Variants in PLEKHA6 observed in about 807,000 individuals in gnomAD.
PLEKHA6 encodes pleckstrin homology domain-containing family A member 6.
PLEKHA6 carries 60 observed loss-of-function variants against 116.7 expected under a neutral mutation model. That is an observed-to-expected ratio of 0.51 (90% CI 0.42 to 0.64). The LOEUF (loss-of-function observed/expected upper bound fraction) is 0.64. Among genes scored for constraint, PLEKHA6 ranks in the 30% least tolerant of loss-of-function variants. The probability of loss-of-function intolerance (pLI) is 0.00; values close to 1 mark genes in which losing one functional copy is unlikely to be tolerated. For synonymous variants in PLEKHA6, 489 were observed against 556.1 expected (o/e 0.88, Z 1.70); for missense variants, 1,338 against 1,422.7 (o/e 0.94, Z 0.96).
At chr1:204,226,563 G>C (rs1202058097) in intron 21 of PLEKHA6, among the ~76,000 whole-genome samples, 1 of 152,260 alleles carries the variant, frequency 6.6e-6, no homozygotes, top group South Asian at 2.1e-4. Flanking sequence ...GTTCAACAGA[G>C]GCCTGCTTCC....
At position 204,265,017 on chromosome 1, in the gene PLEKHA6, G is replaced by A; in HGVS notation, c.306C>T (p.Gly102=). 6.2e-7 allele frequency: 1 copy of A among 1,613,752 alleles called. No individual in the cohort carries two copies. Among genetic ancestry groups the A allele is most frequent in the East Asian group, 2.2e-5 (1 of 44,872 alleles). The change falls in exon 6 of 23, where the codon GGC becomes GGT. Residue 102 remains glycine (G), a synonymous_variant. Coordinates refer to ENST00000272203, the MANE Select transcript of PLEKHA6 (RefSeq NM_014935.5). The part of the protein sequence containing the change: ...YKDEKEESIL[G]SIPLLSFRVA... ...CCCGGAAGCTCAGGAGGGGGATGCT[G>A]CCCAGGATACTCTCTTCCTTCTCAT...
chr1:204,263,876 G>A, intron 6 of PLEKHA6, among the ~76,000 whole-genome samples: 1 of 152,058 alleles, frequency 6.6e-6, no homozygotes, highest in East Asian at 1.9e-4. Context: ...TCACACCTCT[G>A]GCATACAAGA....
rs183913292 is a variant in PLEKHA6 at position 204,248,488 on chromosome 1, G to A, written c.1824+333C>T. Among the ~76,000 whole-genome samples the A allele has an allele frequency of 7.9e-5, 12 of 152,300 alleles. No homozygotes were observed. In the East Asian group the frequency reaches 2.1e-3, roughly 27 times the overall value. On this transcript the variant is annotated intron_variant, in intron 12 of 22. Transcript: ENST00000272203. ...CTTTTTGCCAGTGCTTTGCTTCTCC[G>A]AGGGAGAAGACAGAAGTGGGCAGCA...
At chr1:204,376,517 C>T (rs1314070524) in intron 1 of PLEKHA6, among the ~76,000 whole-genome samples, 1 of 152,154 alleles carries the variant, frequency 6.6e-6, no homozygotes, top group Non-Finnish European at 1.5e-5. Context: ...GTGATAATTA[C>T]AGAACAAAGG....
intron 3 of PLEKHA6, among the ~76,000 whole-genome samples, chr1:204,270,773 C>T (rs2102877051): frequency 6.6e-6 from 1 of 152,360 alleles, no homozygotes; most frequent in Middle Eastern, 3.4e-3. Context: ...TTGGATTCCT[C>T]AGCACAGCAC....
chr1:204,243,715 G>A, intron 15 of PLEKHA6, among the ~76,000 whole-genome samples: 1 of 152,228 alleles, frequency 6.6e-6, no homozygotes, highest in Non-Finnish European at 1.5e-5. Context: ...TGAGACATAT[G>A]CCGTCATGTT....
At chr1:204,260,661 C>T (rs60108785) in intron 7 of PLEKHA6, among the ~76,000 whole-genome samples, 3,655 of 152,198 alleles carry the variant, frequency 0.024, 114 homozygotes, top group African/African-American at 0.076. Flanking sequence ...GGACTTGGAG[C>T]CTACACTGTG....
At chr1:204,329,294 C>G (rs1470829763) in intron 1 of PLEKHA6, among the ~76,000 whole-genome samples, 1 of 152,204 alleles carries the variant, frequency 6.6e-6, no homozygotes, top group African/African-American at 2.4e-5. Context: ...GACCTTCAAC[C>G]TGGCCTTCAT....
At chr1:204,224,947 A>C (rs1363298285) in intron 21 of PLEKHA6, among the ~76,000 whole-genome samples, 1 of 152,246 alleles carries the variant, frequency 6.6e-6, no homozygotes, top group Non-Finnish European at 1.5e-5. Context: ...CAGGACATGC[A>C]GCGAGGCTCT....
At chr1:204,335,418 T>C (rs894480601) in intron 1 of PLEKHA6, among the ~76,000 whole-genome samples, 2 of 151,976 alleles carry the variant, frequency 1.3e-5, no homozygotes, top group Non-Finnish European at 2.9e-5. Flanking sequence ...AGAAAGGCCC[T>C]GGAGAAGGCC....
rs1389052822 is a variant in PLEKHA6 at position 204,222,324 on chromosome 1, CT to C, written c.*463del. 1 of 152,862 alleles carries C rather than the reference CT, an allele frequency of 6.5e-6. No individual in the cohort carries two copies. The highest frequency in any genetic ancestry group is 2.4e-5 in the African/African-American group (1 of 41,434). 9.5% of individuals were successfully genotyped at this position (152,862 alleles called of 1,614,324 possible). A position where few individuals can be genotyped will look rare whatever the true frequency, so the allele number is the denominator to read the frequency against. On this transcript the variant is annotated 3_prime_UTR_variant, in exon 23 of 23. Transcript: ENST00000272203. ...GATAGGGATGATGACAAGTGCTGTC[CT>C]TGGTGTCAGGCTGGCTCCAGAGGCA... is the stretch of plus-strand genomic sequence containing the variant.
intron 3 of PLEKHA6, among the ~76,000 whole-genome samples, chr1:204,269,452 A>AAG (rs1667217489): frequency 6.8e-6 from 1 of 147,812 alleles, no homozygotes; most frequent in Non-Finnish European, 1.5e-5. Flanking sequence ...GAGAATAAAA[A>AAG]AAAAAAATCA....
chr1:204,350,132 G>T (rs978840330), intron 1 of PLEKHA6, among the ~76,000 whole-genome samples: 2 of 152,166 alleles, frequency 1.3e-5, no homozygotes, highest in Non-Finnish European at 2.9e-5. Flanking sequence ...GACCAGCCTG[G>T]ACAACATGGT....
chr1:204,377,347 GC>G (rs1313301056), intron 1 of PLEKHA6, among the ~76,000 whole-genome samples: 1 of 152,200 alleles, frequency 6.6e-6, no homozygotes, highest in African/African-American at 2.4e-5. Context: ...GCACTCCCCT[GC>G]CCTGCCCAGC....
chr1:204,243,949 T>A (rs1251712570), intron 15 of PLEKHA6, among the ~76,000 whole-genome samples: 2 of 151,508 alleles, frequency 1.3e-5, no homozygotes, highest in Non-Finnish European at 2.9e-5. Flanking sequence ...GCCTCCGGAG[T>A]AGCTGGGACT....
At chr1:204,227,886 A>C (rs1660580199) in intron 21 of PLEKHA6, among the ~76,000 whole-genome samples, 197 bp downstream of exon 21, 1 of 152,018 alleles carries the variant, frequency 6.6e-6, no homozygotes, top group South Asian at 2.1e-4. Context: ...GGATGCAGCA[A>C]CTCTGGCCCC....
intron 1 of PLEKHA6, among the ~76,000 whole-genome samples, chr1:204,310,348 A>G (rs1558172825): frequency 1.3e-5 from 2 of 152,202 alleles, no homozygotes; most frequent in South Asian, 2.1e-4. Flanking sequence ...ATCAATGTCA[A>G]TGTTAACTCT....
intron 18 of PLEKHA6, 88 bp downstream of exon 18, chr1:204,230,325 C>T (rs1252227134): frequency 2.7e-6 from 3 of 1,110,890 alleles, no homozygotes; most frequent in Non-Finnish European, 3.7e-6. Flanking sequence ...CCTCTCAAAC[C>T]CCCCAGGCCC....
intron 2 of PLEKHA6, chr1:204,368,784 G>T (rs1673717633): frequency 6.6e-6 from 1 of 152,340 alleles, no homozygotes; most frequent in Non-Finnish European, 1.5e-5. Flanking sequence ...TTTTGGGAGT[G>T]CGAGCCTCCT....
Sources: gnomAD v4.1 joint callset for allele counts (sites outside exome capture counted in the v4.1 genomes callset) on GRCh38, gnomAD v4.1.1 for gene constraint, MANE v1.5 for transcripts, NCBI Gene and HGNC (gene_info 2026-07-23, HGNC 2026-07-21) for gene names.